DISC1: variants seen among roughly 807,000 people sequenced by gnomAD.
DISC1 encodes DISC1 scaffold protein, also known as disrupted in schizophrenia 1 protein.
A neutral mutation model predicts 84.5 loss-of-function variants in DISC1; 57 were observed. The ratio of observed to expected loss-of-function variants is 0.67; its 90% CI spans 0.55 to 0.84. The LOEUF (loss-of-function observed/expected upper bound fraction) is 0.84, where lower values mean the gene tolerates loss of function less well. Among genes scored for constraint, DISC1 ranks in the 40% least tolerant of loss-of-function variants. The pLI, the probability that DISC1 is intolerant of heterozygous loss-of-function variation, is 0.00. For missense variants in DISC1, 1,000 were observed against 1,057.8 expected, an observed-to-expected ratio of 0.95 and a Z score of 0.76; for synonymous variants, 411 against 415.2, an observed-to-expected ratio of 0.99 and a Z score of 0.12.
intron 4 of DISC1, among the ~76,000 whole-genome samples, chr1:231,753,165 C>T (rs2074789891): frequency 6.6e-6 from 1 of 152,256 alleles, no homozygotes; most frequent in Admixed American, 6.5e-5. Flanking sequence ...CCAGTGGGGA[C>T]TCTGTGTGGG....
At chr1:231,756,760 C>T (rs1427693881) in intron 4 of DISC1, among the ~76,000 whole-genome samples, 2 of 152,158 alleles carry the variant, frequency 1.3e-5, no homozygotes, top group Non-Finnish European at 2.9e-5. Flanking sequence ...AAACTCCACT[C>T]CCTTCATCAG....
intron 6 of DISC1, chr1:231,771,442 C>G: frequency 1.0e-6 from 1 of 985,384 alleles, no homozygotes; most frequent in Non-Finnish European, 1.2e-6. Flanking sequence ...AACTATGCCT[C>G]TCACTAAGGG....
chr1:231,833,502 GAGTC>G lies in DISC1; in HGVS notation c.1981+14992_1981+14995del, dbSNP rs376529400. Reference sequence around the variant, plus strand: ...TGCTAAGCTGAGAAGATCTGGGAAGGAGTCAGTCAGAGAGCCTTGGGCCAGAGTT... The same window carrying G: ...TGCTAAGCTGAGAAGATCTGGGAAGGAGTCAGAGAGCCTTGGGCCAGAGTT... On this transcript the variant is annotated intron_variant, in intron 9 of 12. Coordinates refer to ENST00000439617, the MANE Select transcript of DISC1 (RefSeq NM_018662.3). Among the ~76,000 whole-genome samples the G allele has an allele frequency of 1.4e-3, 220 of 151,888 alleles. 9 individuals are homozygous for G. Among genetic ancestry groups the G allele is most frequent in the African/African-American group, 4.8e-3 (197 of 41,172 alleles).
Position 231,722,503 on chromosome 1 carries a change from C to T in DISC1, c.1117+20479C>T, listed in dbSNP as rs545361323. On this transcript the variant is annotated intron_variant, in intron 3 of 12. Coordinates refer to ENST00000439617, the MANE Select transcript of DISC1 (RefSeq NM_018662.3). ...CCAGTCAAGGATGTTATTCTGTGTC[C>T]ATTCCACTCAGAGGTATTCATTTTC... 5.4e-4 allele frequency: 867 copies of T among 1,613,926 alleles called. 9 individuals are homozygous for T. The South Asian group carries it at 8.9e-3, about 16-fold the overall frequency.
Position 231,954,036 on chromosome 1 carries a change from TCCTACCTTCCGTGTTGACATTCTTCTA to T in DISC1, c.1982-4788_1982-4762del, listed in dbSNP as rs1658958803. Among the ~76,000 whole-genome samples the T allele has an allele frequency of 3.3e-5, 5 of 152,224 alleles. No individual in the cohort carries two copies. Among genetic ancestry groups the T allele is most frequent in the Admixed American group, 3.3e-4 (5 of 15,282 alleles). Reference sequence around the variant, plus strand: ...TTGGACTTCCTCCCACTTAACATTCTCCTACCTTCCGTGTTGACATTCTTCTACCTTCCAACTTCCGTGTTTACACTG... The same window carrying T: ...TTGGACTTCCTCCCACTTAACATTCTCCTTCCAACTTCCGTGTTTACACTG... On this transcript the variant is annotated intron_variant, in intron 9 of 12. Coordinates refer to ENST00000439617, the MANE Select transcript of DISC1 (RefSeq NM_018662.3). This position sits in a 1 kb window ranked among gnomAD's most constrained non-coding sequence, Gnocchi z 4.8.
At chr1:231,793,399 T>C (rs1406846554) in intron 6 of DISC1, among the ~76,000 whole-genome samples, 1 of 152,212 alleles carries the variant, frequency 6.6e-6, no homozygotes, top group Non-Finnish European at 1.5e-5. Flanking sequence ...TGCTCTAAGT[T>C]CCTAGCTTGC....
rs1191946986 is a variant in DISC1 at position 232,031,860 on chromosome 1, A to G, written c.2426-4832A>G. Among the ~76,000 whole-genome samples, 5 of 152,162 alleles carry G rather than the reference A, an allele frequency of 3.3e-5. No individual in the cohort carries two copies. Among genetic ancestry groups the G allele is most frequent in the African/African-American group, 7.2e-5 (3 of 41,440 alleles). ...AGACTGTGATCCTCATGGCTTTTCC[A>G]TGAGGATCTCCAGTACCAAATTCTC... On this transcript the variant is annotated intron_variant, in intron 12 of 12. Transcript: ENST00000439617. The surrounding 1 kb of genome is among the most constrained non-coding windows in gnomAD (Gnocchi z 4.6).
chr1:231,931,645 A>ATTTTTT (rs10652394), intron 9 of DISC1, among the ~76,000 whole-genome samples: 8 of 137,946 alleles, frequency 5.8e-5, no homozygotes, highest in East Asian at 2.2e-4. Context: ...ACTGCTTGTG[A>ATTTTTT]TTTTTTTTTT....
chr1:231,663,809 G>A (rs1335713157), intron 1 of DISC1, among the ~76,000 whole-genome samples: 1 of 152,086 alleles, frequency 6.6e-6, no homozygotes, highest in East Asian at 1.9e-4. Context: ...GGGGGCTAAT[G>A]CTCCTTTAAG....
In DISC1 at chr1:231,886,760, T is replaced by G. The variant is rs1042603576; in HGVS notation, c.1981+68243T>G. Among the ~76,000 whole-genome samples the G allele has an allele frequency of 5.4e-3, 598 of 110,516 alleles. 6 individuals carry two copies. Among genetic ancestry groups the G allele is most frequent in the African/African-American group, 0.019 (567 of 29,624 alleles). 72.5% of individuals were successfully genotyped at this position (110,516 alleles called of 152,430 possible). A position where few individuals can be genotyped will look rare whatever the true frequency, so the allele number is the denominator to read the frequency against. ...TTCTTTCTCTTTCTTCCTTTCTTCC[T>G]TCCTTCCTTTCTTTCTTTCTTTCTT... On this transcript the variant is annotated intron_variant, in intron 9 of 12. Transcript: ENST00000439617.
intron 11 of DISC1, among the ~76,000 whole-genome samples, chr1:232,012,497 A>T (rs1209417321): frequency 6.6e-6 from 1 of 152,152 alleles, no homozygotes; most frequent in Non-Finnish European, 1.5e-5. Flanking sequence ...TGTGGCTAAA[A>T]TGTCTATTCG....
At chr1:231,729,217 T>A (rs150613203) in intron 3 of DISC1, among the ~76,000 whole-genome samples, 2,932 of 152,318 alleles carry the variant, frequency 0.019, 95 homozygotes, top group African/African-American at 0.066. Flanking sequence ...TATATGTGCC[T>A]CATTTTCTTA....
intron 2 of DISC1, among the ~76,000 whole-genome samples, chr1:231,699,666 C>G (rs1318431347): frequency 1.3e-5 from 2 of 152,208 alleles, no homozygotes; most frequent in Non-Finnish European, 2.9e-5. Context: ...ACCTGGCCTC[C>G]CTTCTTCTGC....
At chr1:231,892,518 G>A (rs2087314916) in intron 9 of DISC1, among the ~76,000 whole-genome samples, 1 of 151,974 alleles carries the variant, frequency 6.6e-6, no homozygotes, top group Admixed American at 6.6e-5. Flanking sequence ...TTTCCTGTGA[G>A]GACTAAAGAA....
chr1:231,906,149 A>G (rs2088618757), intron 9 of DISC1, among the ~76,000 whole-genome samples: 1 of 151,154 alleles, frequency 6.6e-6, no homozygotes, highest in Non-Finnish European at 1.5e-5. Context: ...CAGCCTCCCA[A>G]GCAGCTGGGA....
At chr1:231,710,788 T>C (rs1166230745) in intron 3 of DISC1, among the ~76,000 whole-genome samples, 1 of 152,154 alleles carries the variant, frequency 6.6e-6, no homozygotes, top group East Asian at 1.9e-4. Flanking sequence ...TCATTGAAAC[T>C]GAATGGACCT....
chr1:231,684,869 G>A (rs112500155), intron 1 of DISC1: 47 of 152,344 alleles, frequency 3.1e-4, no homozygotes, highest in East Asian at 2.1e-3. Flanking sequence ...GGAAAACAGC[G>A]ACAGAGCTTT....
At chr1:232,024,105 G>C (rs1203810635) in intron 11 of DISC1, among the ~76,000 whole-genome samples, 1 of 151,398 alleles carries the variant, frequency 6.6e-6, no homozygotes, top group Admixed American at 6.6e-5. Flanking sequence ...TGTATTTGCT[G>C]TCTTCTCACC....
chr1:231,785,217 TTGTCTGTGTGTGTG>T (rs2077736714), intron 6 of DISC1, among the ~76,000 whole-genome samples: 1 of 83,094 alleles, frequency 1.2e-5, no homozygotes, highest in Non-Finnish European at 2.2e-5. Context: ...GTCAACAGAT[TTGTCTGTGTGTGTG>T]TGTGTGTGTG....
Sources: gnomAD v4.1 joint callset for allele counts (sites outside exome capture counted in the v4.1 genomes callset) on GRCh38, gnomAD v4.1.1 for gene constraint, Gnocchi (gnomAD v3.1) non-coding constraint, MANE v1.5 for transcripts, NCBI Gene and HGNC (gene_info 2026-07-23, HGNC 2026-07-21) for gene names.